The following COG5 variants were observed in gnomAD, a reference collection of about 807,000 sequenced individuals.
COG5 encodes conserved oligomeric Golgi complex subunit 5.
COG5 carries 86 observed loss-of-function variants against 110.4 expected under a neutral mutation model. The observed-to-expected ratio is 0.78, with a 90% CI of 0.65 to 0.93. COG5 has a LOEUF of 0.93. COG5 is among the 40% of genes least tolerant of loss of function. The pLI, the probability that COG5 is intolerant of heterozygous loss-of-function variation, is 0.00. For synonymous variants in COG5, 360 were observed against 334.6 expected (o/e 1.08, Z -0.83); for missense variants, 1,077 against 987.0 (o/e 1.09, Z -1.22).
intron 6 of COG5, among the ~76,000 whole-genome samples, chr7:107,452,909 C>T (rs1447917866): frequency 6.6e-6 from 1 of 152,110 alleles, no homozygotes; most frequent in Admixed American, 6.6e-5. Context: ...CTAGTTTATC[C>T]ACTTCCTCTG....
intron 6 of COG5, among the ~76,000 whole-genome samples, chr7:107,434,131 T>C (rs1050588164): frequency 1.3e-5 from 2 of 152,110 alleles, no homozygotes; most frequent in Non-Finnish European, 2.9e-5. Context: ...CCAGTTAGAA[T>C]GGCCACTATT....
At chr7:107,244,390 T>G (rs989037654) in intron 17 of COG5, among the ~76,000 whole-genome samples, 3 of 151,968 alleles carry the variant, frequency 2.0e-5, no homozygotes, top group African/African-American at 7.3e-5. Context: ...AATCTCAAAT[T>G]AACAACCTAA....
At chr7:107,558,215 C>T in intron 1 of COG5, 100 bp from the exon 2 acceptor site, 1 of 1,254,992 alleles carries the variant, frequency 8.0e-7, no homozygotes, top group African/African-American at 1.5e-5. Flanking sequence ...ATATTTTGAT[C>T]CCATACTCTG....
intron 14 of COG5, among the ~76,000 whole-genome samples, chr7:107,277,474 G>A (rs1254853462): frequency 1.3e-5 from 2 of 152,140 alleles, no homozygotes; most frequent in African/African-American, 4.8e-5. Flanking sequence ...AAAATAAGGC[G>A]AGTTGGACAA....
chr7:107,479,142 CT>C (rs1797165300), intron 6 of COG5, among the ~76,000 whole-genome samples: 1 of 151,950 alleles, frequency 6.6e-6, no homozygotes, highest in East Asian at 1.9e-4. Flanking sequence ...GAATAAAGTT[CT>C]TAATAGACTT....
At chr7:107,320,358 T>A (rs546935037) in intron 11 of COG5, among the ~76,000 whole-genome samples, 5 of 152,236 alleles carry the variant, frequency 3.3e-5, no homozygotes, top group Non-Finnish European at 5.9e-5. Context: ...AACTCTGCAA[T>A]GACAATTTTC....
At chr7:107,392,135 C>T (rs1790667881) in intron 7 of COG5, among the ~76,000 whole-genome samples, 1 of 152,156 alleles carries the variant, frequency 6.6e-6, no homozygotes. Flanking sequence ...CCACGTTGAT[C>T]ACTTTCCTCC....
chr7:107,280,610 T>TA (rs540731864), intron 14 of COG5, among the ~76,000 whole-genome samples: 4,052 of 149,594 alleles, frequency 0.027, 69 homozygotes, highest in Middle Eastern at 0.038. Flanking sequence ...TCAATAATGG[T>TA]AAAAAAAAAA....
chr7:107,361,622 C>T (rs1173986080), intron 10 of COG5, among the ~76,000 whole-genome samples: 1 of 152,142 alleles, frequency 6.6e-6, no homozygotes, highest in Admixed American at 6.5e-5. Context: ...AGTGCAGTGG[C>T]GTGACCTCAG....
At chr7:107,258,632 G>A (rs1295089736) in intron 14 of COG5, 4 of 533,212 alleles carry the variant, frequency 7.5e-6, no homozygotes, top group Non-Finnish European at 1.3e-5. Flanking sequence ...GTCTTGCACG[G>A]GAAGAACAGC....
chr7:107,314,639 C>T (rs1286853175), intron 11 of COG5, among the ~76,000 whole-genome samples: 1 of 148,952 alleles, frequency 6.7e-6, no homozygotes, highest in East Asian at 2.0e-4. Flanking sequence ...ATCCCAGCTA[C>T]TTGGGAGGCT....
rs1359198531 is a variant in COG5 at position 107,202,570 on chromosome 7, ATTTT to A, written c.*942_*945del. On this transcript the variant is annotated 3_prime_UTR_variant, in exon 22 of 22. Coordinates refer to ENST00000297135, the MANE Select transcript of COG5 (RefSeq NM_006348.5). ...TGATTGATTGATTAATCTTGGCTGAATTTTATTTATGAGTTCTCAGAATAACAGG... is the reference window on the plus strand; with the variant it reads ...TGATTGATTGATTAATCTTGGCTGAAATTTATGAGTTCTCAGAATAACAGG... 6.6e-6 allele frequency: 1 copy of A among 152,508 alleles called. No individual in the cohort carries two copies. Among genetic ancestry groups the A allele is most frequent in the African/African-American group, 2.4e-5 (1 of 41,400 alleles). The allele number at this position is 152,508 out of a possible 1,614,324, so 9.4% of individuals were successfully genotyped here.
intron 14 of COG5, among the ~76,000 whole-genome samples, chr7:107,264,491 A>C (rs1803636541): frequency 6.6e-6 from 1 of 152,174 alleles, no homozygotes; most frequent in African/African-American, 2.4e-5. Flanking sequence ...CAGGAGTTTG[A>C]GACCAGCCTG....
intron 10 of COG5, among the ~76,000 whole-genome samples, chr7:107,339,736 A>T (rs898824116): frequency 1.3e-5 from 2 of 152,176 alleles, no homozygotes; most frequent in African/African-American, 4.8e-5. Context: ...TCACACAATT[A>T]CATGGAAATT....
intron 14 of COG5, among the ~76,000 whole-genome samples, chr7:107,260,932 CTT>C (rs1162388097): frequency 6.6e-6 from 1 of 151,586 alleles, no homozygotes; most frequent in African/African-American, 2.4e-5. Context: ...CAACACCACT[CTT>C]GTCATAGTTT....
chr7:107,351,380 A>G (rs1169754141), intron 10 of COG5, among the ~76,000 whole-genome samples: 1 of 152,210 alleles, frequency 6.6e-6, no homozygotes, highest in African/African-American at 2.4e-5. Context: ...AGGCAATACC[A>G]TTCAGGACAT....
intron 6 of COG5, among the ~76,000 whole-genome samples, chr7:107,500,485 C>A (rs2129135651): frequency 6.6e-6 from 1 of 152,234 alleles, no homozygotes; most frequent in East Asian, 1.9e-4. Flanking sequence ...AATAAATTCA[C>A]CATAAGATAT....
At chr7:107,317,409 A>C (rs1159786122) in intron 11 of COG5, among the ~76,000 whole-genome samples, 2 of 152,138 alleles carry the variant, frequency 1.3e-5, no homozygotes, top group Non-Finnish European at 2.9e-5. Context: ...ATCAGCATTA[A>C]ACTTCCAGAG....
At chr7:107,486,542 G>A (rs1035444968) in intron 6 of COG5, among the ~76,000 whole-genome samples, 6 of 152,010 alleles carry the variant, frequency 3.9e-5, no homozygotes, top group South Asian at 2.1e-4. Context: ...TGGAAAATGC[G>A]TACGTCCAAT....
Sources: allele counts gnomAD v4.1 joint callset (sites outside exome capture counted in the v4.1 genomes callset), GRCh38; gene constraint gnomAD v4.1.1; transcripts MANE v1.5; gene names NCBI Gene and HGNC (gene_info 2026-07-23, HGNC 2026-07-21).